RUNX1T1: variants seen among roughly 807,000 people sequenced by gnomAD.
RUNX1T1 encodes RUNX1 partner transcriptional co-repressor 1.
In RUNX1T1, 4 loss-of-function variants were observed where a neutral mutation model predicts 62.8. That is an observed-to-expected ratio of 0.06 (90% CI 0.03 to 0.15). The LOEUF is 0.15. RUNX1T1 is among the 10% of genes least tolerant of loss of function. The pLI is 1.00. For missense variants in RUNX1T1, 508 were observed against 754.3 expected (o/e 0.67, Z 3.82); for synonymous variants, 291 against 286.0 (o/e 1.02, Z -0.18).
chr8:92,030,346 TATC>T (rs1825996709), intron 1 of RUNX1T1, among the ~76,000 whole-genome samples: 1 of 152,210 alleles, frequency 6.6e-6, no homozygotes, highest in Non-Finnish European at 1.5e-5. Context: ...TATCAATTCT[TATC>T]ATATCAACTC....
chr8:91,996,705 G>A (rs1363423931), intron 5 of RUNX1T1, among the ~76,000 whole-genome samples: 1 of 151,924 alleles, frequency 6.6e-6, no homozygotes, highest in Non-Finnish European at 1.5e-5. Context: ...TCAGTGAAAT[G>A]GGACTAACAA....
At chr8:91,960,542 A>C in intron 10 of RUNX1T1, 25 bp from the exon 12 acceptor site, 1 of 1,611,698 alleles carries the variant, frequency 6.2e-7, no homozygotes, top group South Asian at 1.1e-5. Context: ...AGAAGAAAGC[A>C]AGATCCCAAG....
intron 1 of RUNX1T1, among the ~76,000 whole-genome samples, chr8:92,059,488 A>G (rs1250256496): frequency 4.6e-5 from 7 of 152,316 alleles, no homozygotes; most frequent in African/African-American, 1.7e-4. Context: ...ATGCCAAATC[A>G]ATTTTCAGCA....
At chr8:92,083,904 G>A (rs528822064) in intron 1 of RUNX1T1, among the ~76,000 whole-genome samples, 212 of 152,282 alleles carry the variant, frequency 1.4e-3, no homozygotes, top group Middle Eastern at 6.8e-3. Flanking sequence ...ATCCACCATG[G>A]AATACTACGC....
chr8:91,994,743 C>A, intron 5 of RUNX1T1: 2 of 356,400 alleles, frequency 5.6e-6, no homozygotes, highest in South Asian at 2.7e-5. Flanking sequence ...ATTTAAAGTG[C>A]CAGAGGAACC....
At chr8:92,092,480 G>A (rs1192952601) in intron 1 of RUNX1T1, among the ~76,000 whole-genome samples, 1 of 152,084 alleles carries the variant, frequency 6.6e-6, no homozygotes, top group African/African-American at 2.4e-5. Flanking sequence ...AGCCCTGTTA[G>A]TAAAATATCC....
In RUNX1T1 at chr8:92,079,840, G is replaced by A. The variant is rs921068183; in HGVS notation, c.-85-3703C>T. Among the ~76,000 whole-genome samples the A allele has an allele frequency of 1.2e-4, 18 of 151,972 alleles. 1 individual carries two copies. The highest frequency in any genetic ancestry group is 8.8e-5 in the Non-Finnish European group (6 of 68,000). On this transcript the variant is annotated intron_variant, in intron 1 of 11. Coordinates refer to the RUNX1T1 transcript ENST00000265814. ...TGGAACACTTCCTCTCATGCTGGTG[G>A]CTTCGTTCACTGACTTCACGGCCCT...
intron 5 of RUNX1T1, chr8:92,003,320 T>G (rs962169022): frequency 2.2e-6 from 1 of 456,248 alleles, no homozygotes; most frequent in Admixed American, 2.3e-5. Context: ...TGTGCAAGGA[T>G]AGTCAAAAGT....
chr8:92,062,701 C>T lies in RUNX1T1; in HGVS notation c.-149G>A, dbSNP rs746286444. The T allele has an allele frequency of 2.1e-5, 34 of 1,608,762 alleles. No individual in the cohort carries two copies. The East Asian group carries it at 3.3e-4, about 16-fold the overall frequency. ...GCATCGCCGGAGGCAGGGTGCTGGG[C>T]GCGTGCGCCTGCCAGGCAGAGACAG... On this transcript the variant is annotated 5_prime_UTR_variant, in exon 1 of 11. Coordinates refer to ENST00000396218, the Ensembl canonical transcript of RUNX1T1.
At chr8:92,037,390 C>T (rs1827621141) in intron 1 of RUNX1T1, among the ~76,000 whole-genome samples, 6 of 152,126 alleles carry the variant, frequency 3.9e-5, no homozygotes, top group African/African-American at 1.4e-4. Context: ...ATAAACAAGT[C>T]CTTCTCATCA....
chr8:91,955,998 A>G (rs1809316243), downstream of RUNX1T1: 1 of 230,090 alleles, frequency 4.3e-6, no homozygotes, highest in African/African-American at 2.2e-5. Flanking sequence ...TAATTAGAGG[A>G]GAGGGGACAA....
intron 5 of RUNX1T1, among the ~76,000 whole-genome samples, chr8:91,996,986 G>A (rs564000998): frequency 3.3e-5 from 5 of 151,610 alleles, no homozygotes; most frequent in South Asian, 2.1e-4. Context: ...AATTAGCCAG[G>A]CATGGTGGAG....
intron 1 of RUNX1T1, among the ~76,000 whole-genome samples, chr8:92,048,394 A>G (rs541802459): frequency 7.4e-4 from 113 of 152,228 alleles, no homozygotes; most frequent in African/African-American, 2.6e-3. Flanking sequence ...AAATATTACA[A>G]CTGGCGGGGT....
intron 5 of RUNX1T1, 104 bp from the exon 7 acceptor site, chr8:91,991,993 T>C: frequency 7.8e-7 from 1 of 1,275,668 alleles, no homozygotes; most frequent in Non-Finnish European, 1.1e-6. Context: ...TATTTTTTAT[T>C]GGCCAGAAAC....
intron 1 of RUNX1T1, among the ~76,000 whole-genome samples, chr8:92,046,351 G>A (rs1020086793): frequency 5.9e-5 from 9 of 151,970 alleles, no homozygotes; most frequent in Non-Finnish European, 1.5e-5. Context: ...ATGAACACAT[G>A]ATTAATACAA....
At chr8:91,981,621 T>C (rs1815299481) in intron 8 of RUNX1T1, among the ~76,000 whole-genome samples, 1 of 151,748 alleles carries the variant, frequency 6.6e-6, no homozygotes, top group Non-Finnish European at 1.5e-5. Context: ...TTCACCGTGT[T>C]AGCCAGGATG....
intron 1 of RUNX1T1, among the ~76,000 whole-genome samples, chr8:92,018,003 T>G (rs1200324769): frequency 6.6e-6 from 1 of 152,206 alleles, no homozygotes; most frequent in Non-Finnish European, 1.5e-5. Flanking sequence ...TGACCTGCCA[T>G]TTTAAAAGCA....
intron 8 of RUNX1T1, among the ~76,000 whole-genome samples, chr8:91,982,449 G>T (rs1022157256): frequency 2.0e-5 from 3 of 152,010 alleles, no homozygotes; most frequent in Admixed American, 6.6e-5. Flanking sequence ...ACAAAGAAAG[G>T]AAAAAGAGCT....
At chr8:92,082,909 G>A (rs1835501634) in intron 1 of RUNX1T1, among the ~76,000 whole-genome samples, 1 of 152,056 alleles carries the variant, frequency 6.6e-6, no homozygotes, top group Admixed American at 6.5e-5. Context: ...AGAAGGAGGA[G>A]GGAGAGAAGG....
Sources: allele counts gnomAD v4.1 joint callset (sites outside exome capture counted in the v4.1 genomes callset), GRCh38; gene constraint gnomAD v4.1.1; transcripts MANE v1.5; gene names NCBI Gene and HGNC (gene_info 2026-07-23, HGNC 2026-07-21).